The following EYS variants were observed in gnomAD, a reference collection of about 807,000 sequenced individuals.
EYS encodes protein eyes shut homolog.
In EYS, 250 loss-of-function variants were observed where a neutral mutation model predicts 282.1. The ratio of observed to expected loss-of-function variants is 0.89; its 90% CI spans 0.80 to 0.98. The LOEUF (loss-of-function observed/expected upper bound fraction) is 0.98. Among genes scored for constraint, EYS ranks in the 50% least tolerant of loss-of-function variants. The pLI is 0.00. For missense variants in EYS, 4,016 were observed against 3,709.0 expected (o/e 1.08, Z -2.15); for synonymous variants, 1,355 against 1,282.9 (o/e 1.06, Z -1.20).
intron 19 of EYS, among the ~76,000 whole-genome samples, chr6:64,857,993 T>C (rs1470448397): frequency 6.6e-6 from 1 of 152,142 alleles, no homozygotes; most frequent in Admixed American, 6.5e-5. Context: ...ATATTTTGGA[T>C]ATTAACTCCT....
intron 35 of EYS, among the ~76,000 whole-genome samples, chr6:63,880,021 A>G (rs1031788650): frequency 1.8e-4 from 28 of 152,294 alleles, no homozygotes; most frequent in Middle Eastern, 3.4e-3. Context: ...TAACTGTTGT[A>G]TTATCTGGAA....
chr6:64,427,169 A>T (rs887773195), intron 28 of EYS, among the ~76,000 whole-genome samples: 1 of 152,184 alleles, frequency 6.6e-6, no homozygotes, highest in Non-Finnish European at 1.5e-5. Flanking sequence ...ATCTGACAGG[A>T]TTATCTAGGA....
chr6:65,193,989 C>T (rs1765705067), intron 12 of EYS, among the ~76,000 whole-genome samples: 1 of 151,862 alleles, frequency 6.6e-6, no homozygotes, highest in Non-Finnish European at 1.5e-5. Context: ...ATTGCCTTTC[C>T]TTATGAATAA....
chr6:65,286,232 T>A (rs1371669178), intron 12 of EYS, among the ~76,000 whole-genome samples: 1 of 151,848 alleles, frequency 6.6e-6, no homozygotes, highest in Non-Finnish European at 1.5e-5. Context: ...AGTATGCATA[T>A]ATCACACTTC....
chr6:65,693,731 C>G (rs1234806527), intron 1 of EYS, among the ~76,000 whole-genome samples: 1 of 149,730 alleles, frequency 6.7e-6, no homozygotes, highest in Non-Finnish European at 1.5e-5. Flanking sequence ...TTTAGAAAAT[C>G]CATCTGAATT....
At chr6:64,790,289 G>T (rs149323793) in intron 22 of EYS, among the ~76,000 whole-genome samples, 1 of 151,646 alleles carries the variant, frequency 6.6e-6, no homozygotes, top group Non-Finnish European at 1.5e-5. Context: ...AAACATCAGC[G>T]GCATGCAATT....
In EYS at chr6:65,424,307, T is replaced by G. The variant is rs424046; in HGVS notation, c.863-18940A>C. Among the ~76,000 whole-genome samples the G allele has an allele frequency of 5.0e-3, 753 of 152,060 alleles. 8 individuals are homozygous for G. Among genetic ancestry groups the G allele is most frequent in the African/African-American group, 0.017 (699 of 41,524 alleles). On this transcript the variant is annotated intron_variant, in intron 5 of 42. Coordinates refer to ENST00000503581, the MANE Select transcript of EYS (RefSeq NM_001142800.2). ...TCCTCATATAACCTTGCTCTTAAGA[T>G]TTTTCTGATGGTCTGTGAATTATCT...
chr6:63,773,573 T>A (rs980261114), intron 40 of EYS, among the ~76,000 whole-genome samples: 1 of 152,278 alleles, frequency 6.6e-6, no homozygotes, highest in East Asian at 1.9e-4. Flanking sequence ...AGATTAAAAA[T>A]TTACATTTTG....
chr6:65,012,868 C>T (rs1771921319), intron 13 of EYS, among the ~76,000 whole-genome samples: 2 of 42,126 alleles, frequency 4.7e-5, no homozygotes, highest in Admixed American at 7.2e-4. Context: ...ATAAAAATTT[C>T]CTTCAATAAA....
At chr6:64,365,117 A>T (rs1232039792) in intron 29 of EYS, among the ~76,000 whole-genome samples, 3 of 152,002 alleles carry the variant, frequency 2.0e-5, no homozygotes, top group Non-Finnish European at 2.9e-5. Context: ...ATAAAAAATA[A>T]TGACACACAA....
chr6:63,721,854 CTT>C (rs1157879772), intron 42 of EYS, 57 bp from the exon 43 acceptor site: 5 of 1,474,966 alleles, frequency 3.4e-6, no homozygotes, highest in Admixed American at 2.6e-5. Context: ...CCATTGAAAA[CTT>C]TTGCTGTTTC....
Position 64,368,784 on chromosome 6 carries a change from C to T in EYS, c.6078+19906G>A, listed in dbSNP as rs114335305. Among the ~76,000 whole-genome samples the T allele has an allele frequency of 4.7e-3, 716 of 152,010 alleles. 5 individuals carry two copies. The highest frequency in any genetic ancestry group is 0.016 in the African/African-American group (664 of 41,474). ...TTTGCTTGTAAATTTCTTCAAATTT[C>T]TTATAGATTCTGGATACTAGACCTT... On this transcript the variant is annotated intron_variant, in intron 29 of 42. Coordinates refer to ENST00000503581, the MANE Select transcript of EYS (RefSeq NM_001142800.2).
intron 5 of EYS, among the ~76,000 whole-genome samples, chr6:65,420,070 A>G (rs1336788716): frequency 6.6e-6 from 1 of 152,010 alleles, no homozygotes; most frequent in Non-Finnish European, 1.5e-5. Context: ...ATGGTCACTG[A>G]TGGATCAGGG....
chr6:65,068,881 T>C (rs12194360), intron 12 of EYS, among the ~76,000 whole-genome samples: 35,781 of 151,948 alleles, frequency 0.24, 4,914 homozygotes, highest in South Asian at 0.32. Flanking sequence ...TTTATAAACC[T>C]TTCTTAGATA....
At chr6:64,029,569 C>T (rs1769717256) in intron 33 of EYS, among the ~76,000 whole-genome samples, 1 of 152,218 alleles carries the variant, frequency 6.6e-6, no homozygotes, top group South Asian at 2.1e-4. Flanking sequence ...GATGGGGAAC[C>T]AATCGAGCAT....
intron 35 of EYS, among the ~76,000 whole-genome samples, chr6:63,970,671 C>G (rs76155947): frequency 1.8e-4 from 27 of 152,042 alleles, no homozygotes; most frequent in African/African-American, 5.3e-4. Context: ...ATGGAGCACA[C>G]CTTGCTGACA....
At chr6:64,829,216 C>A (rs993640885) in intron 19 of EYS, among the ~76,000 whole-genome samples, 20 of 152,012 alleles carry the variant, frequency 1.3e-4, no homozygotes, top group South Asian at 1.2e-3. Context: ...CATTAAATAG[C>A]CATAAAGAAA....
In EYS at chr6:65,671,246, G is replaced by C. The variant is rs150160939; in HGVS notation, c.-447-31354C>G. ...TCTTGTTTCAATCATGAAACAGAAC[G>C]ATCAAATTTGTAAATGTTTCTATTT... is the stretch of plus-strand genomic sequence containing the variant. On this transcript the variant is annotated intron_variant, in intron 1 of 42. Coordinates refer to ENST00000503581, the MANE Select transcript of EYS (RefSeq NM_001142800.2). Among the ~76,000 whole-genome samples the C allele has an allele frequency of 6.4e-4, 97 of 152,048 alleles. 1 individual carries two copies. The highest frequency in any genetic ancestry group is 2.2e-3 in the African/African-American group (91 of 41,512).
At chr6:65,005,503 A>G (rs553508951) in intron 13 of EYS, among the ~76,000 whole-genome samples, 1 of 147,516 alleles carries the variant, frequency 6.8e-6, no homozygotes, top group East Asian at 2.1e-4. Flanking sequence ...CATTTTGGCG[A>G]CCACGAAGGG....
Sources: allele counts gnomAD v4.1 joint callset (sites outside exome capture counted in the v4.1 genomes callset), GRCh38; gene constraint gnomAD v4.1.1; transcripts MANE v1.5; gene names NCBI Gene and HGNC (gene_info 2026-07-23, HGNC 2026-07-21).